Variants in UCHL5 observed in about 807,000 individuals in gnomAD.
UCHL5 encodes ubiquitin C-terminal hydrolase L5.
Under a neutral mutation model 53.8 loss-of-function variants are expected in UCHL5, and 34 were observed. The observed-to-expected ratio is 0.63, with a 90% confidence interval of 0.48 to 0.84. The LOEUF is 0.84. UCHL5 is among the 40% of genes least tolerant of loss of function. The pLI, the probability that UCHL5 is intolerant of heterozygous loss-of-function variation, is 0.00. For synonymous variants in UCHL5, 111 were observed against 126.3 expected (o/e 0.88, Z 0.81); for missense variants, 290 against 385.6 (o/e 0.75, Z 2.08).
At chr1:193,028,347 A>C (rs1660113832) in intron 6 of UCHL5, among the ~76,000 whole-genome samples, 199 bp from the exon 7 acceptor site, 1 of 152,148 alleles carries the variant, frequency 6.6e-6, no homozygotes, top group African/African-American at 2.4e-5. Flanking sequence ...ATATTTTTAA[A>C]TATAGAGGCA....
rs1658121019 is a variant in UCHL5, at chr1:193,023,952, A to G, written c.630-6T>C. ...GAATTTCACCTTCACTGTACCTAGA[A>G]GAAAATTATTTAAGTTTATAATGTA... is the stretch of plus-strand genomic sequence containing the variant. On this transcript the variant is annotated splice_region_variant and splice_polypyrimidine_tract_variant and intron_variant, in intron 7 of 10. Transcript: ENST00000367454. 1 of 1,570,450 alleles carries G rather than the reference A, an allele frequency of 6.4e-7. No individual in the cohort carries two copies. The highest frequency in any genetic ancestry group is 8.7e-7 in the Non-Finnish European group (1 of 1,148,014).
Position 193,015,193 on chromosome 1 carries a change from T to C in UCHL5, c.*1158A>G, listed in dbSNP as rs1654714365. On this transcript the variant is annotated 3_prime_UTR_variant, in exon 11 of 11. Coordinates refer to ENST00000367454, the MANE Select transcript of UCHL5 (RefSeq NM_001199261.3). ...CAATTACTAAGCTTAAAAACAATCC[T>C]TAAAAATGTGCTGAAGCTGGAAGAT... is the stretch of plus-strand genomic sequence containing the variant. 1 of 152,046 alleles carries C rather than the reference T, an allele frequency of 6.6e-6. No homozygotes were observed. Among genetic ancestry groups the C allele is most frequent in the African/African-American group, 2.4e-5 (1 of 41,438 alleles). The allele number at this position is 152,046 out of a possible 1,614,324, so 9.4% of individuals were successfully genotyped here.
chr1:193,048,353 G>T (rs1667979310), intron 3 of UCHL5, among the ~76,000 whole-genome samples: 2 of 152,156 alleles, frequency 1.3e-5, no homozygotes, highest in African/African-American at 2.4e-5. Flanking sequence ...GAGCTTAAAA[G>T]GTTTGCTATG....
Position 193,015,361 on chromosome 1 carries a change from TAA to T in UCHL5, c.*988_*989del, listed in dbSNP as rs1050210253. The T allele has an allele frequency of 2.8e-4, 42 of 152,064 alleles. No homozygotes were observed. Among genetic ancestry groups the T allele is most frequent in the African/African-American group, 1.0e-3 (42 of 41,442 alleles). The allele number at this position is 152,064 out of a possible 1,614,324, so 9.4% of individuals were successfully genotyped here. ...ACTTCCTTTAAAAAAGAAAGCTTTA[TAA>T]AGTCTTCTTTAAAGTCTGACTTGCA... On this transcript the variant is annotated 3_prime_UTR_variant, in exon 11 of 11. Transcript: ENST00000367454.
chr1:193,029,837 T>TC (rs1405607518), intron 3 of UCHL5, among the ~76,000 whole-genome samples, 180 bp from the exon 4 acceptor site: 1 of 152,166 alleles, frequency 6.6e-6, no homozygotes, highest in Non-Finnish European at 1.5e-5. Flanking sequence ...TTGCTGCACT[T>TC]CTGGAGTTGA....
Position 193,029,564 on chromosome 1 carries a change from ACT to A in UCHL5, c.338_339del (p.Glu113ValfsTer2). Reference sequence around the variant, plus strand: ...TCAAAACTTTGTGAAAATTCTTTAAACTCTGATAATGTCTCGCCTAAATGGAC... The same window carrying A: ...TCAAAACTTTGTGAAAATTCTTTAAACTGATAATGTCTCGCCTAAATGGAC... ...QDVHLGETLS[E>X]FKEFSQSFDA... On this transcript the variant is annotated frameshift_variant, in exon 4 of 11. Coordinates refer to ENST00000367454, the MANE Select transcript of UCHL5 (RefSeq NM_001199261.3). LOFTEE classifies it high-confidence loss of function. 1 of 1,613,530 alleles carries A rather than the reference ACT, an allele frequency of 6.2e-7. No individual in the cohort carries two copies. The highest frequency in any genetic ancestry group is 8.5e-7 in the Non-Finnish European group (1 of 1,179,742).
At chr1:193,048,538 C>T (rs981449570) in intron 3 of UCHL5, among the ~76,000 whole-genome samples, 1 of 152,150 alleles carries the variant, frequency 6.6e-6, no homozygotes, top group Non-Finnish European at 1.5e-5. Flanking sequence ...TTACAACTAA[C>T]CTTTGAGAAA....
At chr1:193,043,694 A>C (rs1361725978) in intron 3 of UCHL5, among the ~76,000 whole-genome samples, 1 of 152,170 alleles carries the variant, frequency 6.6e-6, no homozygotes, top group Non-Finnish European at 1.5e-5. Flanking sequence ...CTGGAGACTA[A>C]GGTCCAGCCA....
intron 9 of UCHL5, 40 bp from the exon 10 acceptor site, chr1:193,021,235 C>T (rs963691681): frequency 7.5e-7 from 1 of 1,325,264 alleles, no homozygotes; most frequent in Non-Finnish European, 1.1e-6. Context: ...TACATTTCTG[C>T]TAATTTTGAT....
At chr1:193,051,719 T>C in intron 2 of UCHL5, 35 bp downstream of exon 2, 1 of 1,277,954 alleles carries the variant, frequency 7.8e-7, no homozygotes, top group Middle Eastern at 2.4e-4. Flanking sequence ...AAAGTATATA[T>C]ATATACATAT....
intron 3 of UCHL5, among the ~76,000 whole-genome samples, chr1:193,047,640 G>A (rs1169616239): frequency 2.0e-5 from 3 of 152,094 alleles, no homozygotes; most frequent in African/African-American, 7.2e-5. Flanking sequence ...GCAAGTTTTT[G>A]GGTCTCAGAA....
In UCHL5 at chr1:193,017,350, A is replaced by G. The variant is rs1212908250; in HGVS notation, c.943-955T>C. ...AAAATACAGCAATTAAAACAATTAC[A>G]ATCTCTTTTTGTAATGTATTAGGTA... On this transcript the variant is annotated intron_variant, in intron 10 of 10. Transcript: ENST00000367454. Among the ~76,000 whole-genome samples, 3 of 151,752 alleles carry G rather than the reference A, an allele frequency of 2.0e-5. No homozygotes were observed. The East Asian group carries it at 5.8e-4, about 29-fold the overall frequency.
intron 3 of UCHL5, among the ~76,000 whole-genome samples, chr1:193,041,534 C>G (rs1167328617): frequency 6.6e-6 from 1 of 152,144 alleles, no homozygotes; most frequent in Admixed American, 6.5e-5. Flanking sequence ...AGTGGAAATG[C>G]AAATTTGAAC....
At chr1:193,049,286 T>C (rs1277764227) in intron 3 of UCHL5, among the ~76,000 whole-genome samples, 1 of 152,164 alleles carries the variant, frequency 6.6e-6, no homozygotes, top group Non-Finnish European at 1.5e-5. Context: ...TGGTGGTATG[T>C]GCCTGTAATC....
chr1:193,059,566 TC>T, upstream of UCHL5: 1 of 1,510,194 alleles, frequency 6.6e-7, no homozygotes, highest in Non-Finnish European at 9.0e-7. The surrounding 1 kb of genome is among the most constrained non-coding windows in gnomAD (Gnocchi z 4.9). Flanking sequence ...ACATCCGGGA[TC>T]CTCGCCCCTC....
At chr1:193,046,992 T>C (rs1241354328) in intron 3 of UCHL5, among the ~76,000 whole-genome samples, 1 of 152,064 alleles carries the variant, frequency 6.6e-6, no homozygotes, top group African/African-American at 2.4e-5. Context: ...ATGTACTACA[T>C]ATTATCTCTG....
At position 193,029,589 on chromosome 1, in the gene UCHL5, G is replaced by T; in HGVS notation, c.315C>A (p.Val105=). 5 of 1,613,374 alleles carry T rather than the reference G, an allele frequency of 3.1e-6. No homozygotes were observed. The highest frequency in any genetic ancestry group is 4.2e-6 in the Non-Finnish European group (5 of 1,179,684). ...SVLLNCTHQD[V]HLGETLSEFK... is the part of the protein sequence containing the mutation. The stretch of plus-strand genomic sequence containing the variant: ...ACTCTGATAATGTCTCGCCTAAATG[G>T]ACATCCTGGTGGGTACAGTTCAGTA... Residue 105 remains valine, a synonymous_variant, in exon 4 of 11, where the codon GTC becomes GTA. Coordinates refer to ENST00000367454, the MANE Select transcript of UCHL5 (RefSeq NM_001199261.3).
At chr1:193,029,707 T>A in intron 3 of UCHL5, 50 bp from the exon 4 acceptor site, 1 of 1,483,196 alleles carries the variant, frequency 6.7e-7, no homozygotes. Context: ...AAATAAAAAA[T>A]GGTTTTTAAC....
chr1:193,042,648 T>G (rs1290950365), intron 3 of UCHL5, among the ~76,000 whole-genome samples: 1 of 152,204 alleles, frequency 6.6e-6, no homozygotes, highest in Non-Finnish European at 1.5e-5. Flanking sequence ...CCTCCTAACT[T>G]ACATCTACTC....
Sources: allele counts gnomAD v4.1 joint callset (sites outside exome capture counted in the v4.1 genomes callset), GRCh38; gene constraint gnomAD v4.1.1; non-coding constraint Gnocchi (gnomAD v3.1); transcripts MANE v1.5; gene names NCBI Gene and HGNC (gene_info 2026-07-23, HGNC 2026-07-21).